The following ZNF484 variants were observed in gnomAD, a reference collection of about 807,000 sequenced individuals.
ZNF484 encodes KRAB box containing C2H2 type zinc finger bA526D8.4.
In ZNF484, 11 loss-of-function variants were observed where a neutral mutation model predicts 12.9. That is an observed-to-expected ratio of 0.85 (90% CI 0.54 to 1.41). The LOEUF is 1.41. ZNF484 is among the 40% of genes most tolerant of loss of function. ZNF484 has a pLI of 0.00. For synonymous variants in ZNF484, 289 were observed against 334.1 expected (o/e 0.86, Z 1.47); for missense variants, 807 against 1,007.7 (o/e 0.80, Z 2.70).
At chr9:92,857,623 T>C (rs1289637285) in intron 2 of ZNF484, among the ~76,000 whole-genome samples, 1 of 152,172 alleles carries the variant, frequency 6.6e-6, no homozygotes, top group African/African-American at 2.4e-5. Context: ...GCCAGGGTGA[T>C]CCAGAGGTAA....
chr9:92,859,555 T>G (rs958586118), intron 2 of ZNF484, among the ~76,000 whole-genome samples: 4 of 152,086 alleles, frequency 2.6e-5, no homozygotes, highest in Non-Finnish European at 5.9e-5. Context: ...CCAAATAATT[T>G]GAAATAGGGC....
At chr9:92,849,030 G>A (rs750095846) in intron 4 of ZNF484, among the ~76,000 whole-genome samples, 2 of 152,112 alleles carry the variant, frequency 1.3e-5, no homozygotes, top group Non-Finnish European at 2.9e-5. Flanking sequence ...GGGAGGCTGA[G>A]GCAGGCGGAT....
chr9:92,855,761 C>T (rs1056599576), intron 4 of ZNF484, 50 bp downstream of exon 4: 1 of 1,565,980 alleles, frequency 6.4e-7, no homozygotes. Flanking sequence ...TCTCCCAGTA[C>T]AAATGCAGCT....
intron 2 of ZNF484, among the ~76,000 whole-genome samples, chr9:92,873,150 A>G (rs1165741569): frequency 1.3e-5 from 2 of 151,870 alleles, no homozygotes; most frequent in Non-Finnish European, 2.9e-5. Context: ...CTCCATAGGC[A>G]GGCAGGCAGG....
Position 92,877,961 on chromosome 9 carries a change from G to A in ZNF484, c.-102C>T, listed in dbSNP as rs1194132455. 3 of 1,259,014 alleles carry A rather than the reference G, an allele frequency of 2.4e-6. No individual in the cohort carries two copies. The highest frequency in any genetic ancestry group is 2.2e-5 in the Admixed American group (1 of 46,418). The allele number at this position is 1,259,014 out of a possible 1,614,324, so 78.0% of individuals were successfully genotyped here. On this transcript the variant is annotated 5_prime_UTR_variant, in exon 1 of 5. Transcript: ENST00000375495. Reference sequence around the variant, plus strand: ...GAGGTGACTATAGTCGCAAGAACCAGAACAGGACCCACTTCCTTTTTCTCA... The same window carrying A: ...GAGGTGACTATAGTCGCAAGAACCAAAACAGGACCCACTTCCTTTTTCTCA...
intron 2 of ZNF484, among the ~76,000 whole-genome samples, chr9:92,870,006 C>G (rs909701170): frequency 3.9e-5 from 6 of 152,232 alleles, no homozygotes; most frequent in Non-Finnish European, 8.8e-5. Context: ...ATGAAGTCCT[C>G]TGTTCAAACT....
chr9:92,857,618 G>C (rs1320224907), intron 2 of ZNF484, among the ~76,000 whole-genome samples: 1 of 152,134 alleles, frequency 6.6e-6, no homozygotes, highest in East Asian at 1.9e-4. Context: ...CAGGAGCCAG[G>C]GTGATCCAGA....
rs572852932 is a variant in ZNF484, at chr9:92,858,354, G to T, written c.16-2036C>A. Among the ~76,000 whole-genome samples, 7 of 150,790 alleles carry T rather than the reference G, an allele frequency of 4.6e-5. No homozygotes were observed. In the East Asian group the frequency reaches 1.2e-3, roughly 25 times the overall value. Reference sequence around the variant, plus strand: ...CTGAAGCAGAGATTTTTTTTTTAAAGAAAAAAACATAGGAGCATTAGGAAT... The same window carrying T: ...CTGAAGCAGAGATTTTTTTTTTAAATAAAAAAACATAGGAGCATTAGGAAT... On this transcript the variant is annotated intron_variant, in intron 2 of 4. Transcript: ENST00000375495.
intron 1 of ZNF484, among the ~76,000 whole-genome samples, chr9:92,876,743 A>T (rs568916646): frequency 7.9e-5 from 12 of 152,330 alleles, no homozygotes; most frequent in Admixed American, 5.9e-4. Context: ...TCAGATGCAC[A>T]AATAAAATTA....
chr9:92,849,332 C>T (rs930973048), intron 4 of ZNF484, among the ~76,000 whole-genome samples: 1 of 151,234 alleles, frequency 6.6e-6, no homozygotes, highest in African/African-American at 2.4e-5. Flanking sequence ...AACAAATGTA[C>T]ATAAGTATTT....
At chr9:92,867,293 A>G (rs1857155524) in intron 2 of ZNF484, among the ~76,000 whole-genome samples, 2 of 152,308 alleles carry the variant, frequency 1.3e-5, no homozygotes, top group South Asian at 4.2e-4. Flanking sequence ...CCTGGCTAAC[A>G]CAGTGAAACC....
Position 92,848,227 on chromosome 9 carries a change from G to A in ZNF484, c.560C>T (p.Pro187Leu). The A allele has an allele frequency of 1.9e-6, 3 of 1,614,152 alleles. No homozygotes were observed. The highest frequency in any genetic ancestry group is 2.5e-6 in the Non-Finnish European group (3 of 1,180,024). The change falls in exon 5 of 5, where the codon CCT becomes CTT. Residue 187 changes from proline (P) to leucine (L), a missense_variant. Transcript: ENST00000375495. This position sits in a 1 kb window ranked among gnomAD's most constrained non-coding sequence, Gnocchi z 4.1. ...NCNSCGKNLE[P>L]IITLYNRNNA... ...GTTTCTATTATATAAGGTTATGATA[G>A]GCTCCAAATTCTTTCCACACGAGTT...
intron 2 of ZNF484, among the ~76,000 whole-genome samples, chr9:92,856,708 C>A (rs988402399): frequency 1.3e-5 from 2 of 152,116 alleles, no homozygotes; most frequent in African/African-American, 2.4e-5. Context: ...AGTGAATACA[C>A]TAAAAATCAA....
At chr9:92,852,930 T>C (rs1426113963) in intron 4 of ZNF484, among the ~76,000 whole-genome samples, 3 of 152,148 alleles carry the variant, frequency 2.0e-5, no homozygotes, top group Non-Finnish European at 4.4e-5. Context: ...TAAAATAGGA[T>C]AGAAATGGTT....
At chr9:92,862,949 A>T (rs1371458639) in intron 2 of ZNF484, among the ~76,000 whole-genome samples, 5 of 152,190 alleles carry the variant, frequency 3.3e-5, no homozygotes, top group Non-Finnish European at 7.3e-5. Flanking sequence ...TCATTCTGTT[A>T]TAAAGATACA....
chr9:92,849,810 TTTC>T (rs1312146668), intron 4 of ZNF484, among the ~76,000 whole-genome samples: 2 of 151,992 alleles, frequency 1.3e-5, no homozygotes, highest in African/African-American at 4.8e-5. Context: ...CTTTTTTTTT[TTTC>T]TTTTTTAAGA....
At chr9:92,864,853 A>G (rs1856975220) in intron 2 of ZNF484, among the ~76,000 whole-genome samples, 1 of 152,212 alleles carries the variant, frequency 6.6e-6, no homozygotes, top group Admixed American at 6.5e-5. Flanking sequence ...ATAGCAACAA[A>G]AATTTGGCAC....
chr9:92,877,921 G>A lies in ZNF484; in HGVS notation c.-62C>T. ...CTCACCCACGTCCTCTCAGGACAGTGGTCATTTGCCTCGGGAGGTGACTAT... is the reference window on the plus strand; with the variant it reads ...CTCACCCACGTCCTCTCAGGACAGTAGTCATTTGCCTCGGGAGGTGACTAT... On this transcript the variant is annotated 5_prime_UTR_variant, in exon 1 of 5. Transcript: ENST00000375495. 8 of 1,519,684 alleles carry A rather than the reference G, an allele frequency of 5.3e-6. No individual in the cohort carries two copies. The highest frequency in any genetic ancestry group is 7.1e-6 in the Non-Finnish European group (8 of 1,133,098). 94.1% of individuals were successfully genotyped at this position (1,519,684 alleles called of 1,614,324 possible).
chr9:92,861,730 T>C (rs994548264), intron 2 of ZNF484, among the ~76,000 whole-genome samples: 2 of 152,092 alleles, frequency 1.3e-5, no homozygotes, highest in African/African-American at 4.8e-5. Context: ...TCAGCAGTCC[T>C]AGAAGGAATG....
Sources: gnomAD v4.1 joint callset for allele counts (sites outside exome capture counted in the v4.1 genomes callset) on GRCh38, gnomAD v4.1.1 for gene constraint, Gnocchi (gnomAD v3.1) non-coding constraint, MANE v1.5 for transcripts, NCBI Gene and HGNC (gene_info 2026-07-23, HGNC 2026-07-21) for gene names.